Variants in ACAP2 observed in about 807,000 individuals in gnomAD.
ACAP2 encodes arf-GAP with coiled-coil, ANK repeat and PH domain-containing protein 2.
In ACAP2, 39 loss-of-function variants were observed where a neutral mutation model predicts 115.8. The observed-to-expected ratio is 0.34, with a 90% CI of 0.26 to 0.44. The LOEUF (loss-of-function observed/expected upper bound fraction) is 0.44. Among genes scored for constraint, ACAP2 ranks in the 20% least tolerant of loss-of-function variants. ACAP2 has a pLI of 1.00. For synonymous variants in ACAP2, 289 were observed against 315.8 expected, an observed-to-expected ratio of 0.92 and a Z score of 0.90; for missense variants, 662 against 927.6, an observed-to-expected ratio of 0.71 and a Z score of 3.72.
chr3:195,297,548 T>C (rs547621765), intron 15 of ACAP2, among the ~76,000 whole-genome samples: 1 of 152,342 alleles, frequency 6.6e-6, no homozygotes, highest in Middle Eastern at 3.4e-3. Flanking sequence ...AGTTTATCTA[T>C]GTATCTATCT....
chr3:195,292,199 A>T, intron 19 of ACAP2, 66 bp downstream of exon 19: 1 of 1,491,164 alleles, frequency 6.7e-7, no homozygotes. Flanking sequence ...AAGCCAGTTC[A>T]GAACATATTA....
chr3:195,325,175 A>G (rs1729697143), intron 9 of ACAP2, among the ~76,000 whole-genome samples: 1 of 152,174 alleles, frequency 6.6e-6, no homozygotes, highest in Non-Finnish European at 1.5e-5. Flanking sequence ...AGATAGTATA[A>G]TATTTTGAAA....
At chr3:195,291,572 C>T (rs530767144) in intron 20 of ACAP2, 134 bp downstream of exon 20, 10 of 581,158 alleles carry the variant, frequency 1.7e-5, no homozygotes, top group South Asian at 9.3e-5. Flanking sequence ...CAAATTCCAT[C>T]GTGACAAAAT....
At chr3:195,425,170 C>T (rs1201530845) in intron 1 of ACAP2, among the ~76,000 whole-genome samples, 2 of 151,538 alleles carry the variant, frequency 1.3e-5, no homozygotes, top group Non-Finnish European at 2.9e-5. Flanking sequence ...TATAACATTT[C>T]CTTAGAGCCC....
chr3:195,342,159 T>C (rs531942351), intron 6 of ACAP2, among the ~76,000 whole-genome samples: 3 of 152,222 alleles, frequency 2.0e-5, no homozygotes, highest in African/African-American at 4.8e-5. Flanking sequence ...TAAAATGGTA[T>C]AATAAAAGAT....
chr3:195,438,405 A>T (rs930391238), intron 1 of ACAP2, among the ~76,000 whole-genome samples: 4 of 151,936 alleles, frequency 2.6e-5, no homozygotes, highest in Non-Finnish European at 5.9e-5. Context: ...AAAAAAAAAA[A>T]ATTTCCCCTC....
rs149970928 is a variant in ACAP2 at position 195,360,542 on chromosome 3, T to A, written c.286-15225A>T. 4.6e-5 allele frequency among the ~76,000 whole-genome samples: 7 copies of A among 152,346 alleles called. No individual in the cohort carries two copies. In the East Asian group the frequency reaches 1.3e-3, roughly 29 times the overall value. On this transcript the variant is annotated intron_variant, in intron 4 of 22. Transcript: ENST00000326793. ...CAGGTGCAGTGGCTCATGCCTGTAA[T>A]CCCAGTACTTTGGGAGGCCAAGGCG...
chr3:195,323,291 G>A (rs1729568053), intron 9 of ACAP2, among the ~76,000 whole-genome samples: 1 of 152,132 alleles, frequency 6.6e-6, no homozygotes, highest in South Asian at 2.1e-4. Flanking sequence ...ATCATTATTG[G>A]TAGATGATAA....
At chr3:195,413,809 T>C (rs1423442883) in intron 1 of ACAP2, among the ~76,000 whole-genome samples, 4 of 150,458 alleles carry the variant, frequency 2.7e-5, no homozygotes, top group Admixed American at 6.6e-5. Context: ...GACACCTTAG[T>C]AAAGAAAATA....
intron 1 of ACAP2, among the ~76,000 whole-genome samples, chr3:195,435,825 G>A (rs1176076361): frequency 6.6e-6 from 1 of 152,132 alleles, no homozygotes; most frequent in African/African-American, 2.4e-5. Flanking sequence ...GAATTCTGCT[G>A]CTGCTGTATG....
intron 4 of ACAP2, among the ~76,000 whole-genome samples, chr3:195,366,524 G>A (rs1011994367): frequency 5.3e-5 from 8 of 152,138 alleles, no homozygotes; most frequent in Admixed American, 4.6e-4. Flanking sequence ...CAGAACTATA[G>A]AATCGCTAGA....
chr3:195,316,893 A>ATTT (rs60184290), intron 10 of ACAP2, among the ~76,000 whole-genome samples: 12 of 53,880 alleles, frequency 2.2e-4, no homozygotes, highest in African/African-American at 3.5e-4. Flanking sequence ...ATGTCAGTGA[A>ATTT]TTTTTTTTTT....
rs747629291 is a variant in ACAP2, at chr3:195,301,556, A to T, written c.1395+19T>A. On this transcript the variant is annotated intron_variant, in intron 15 of 22. Coordinates refer to ENST00000326793, the MANE Select transcript of ACAP2 (RefSeq NM_012287.6). ...TCATGTGAAAATATGAAATATTTTA[A>T]AGCAAAAATTTTTTTTACCTTTAAA... is the stretch of plus-strand genomic sequence containing the variant. The T allele has an allele frequency of 6.4e-7, 1 of 1,574,056 alleles. No individual in the cohort carries two copies. The highest frequency in any genetic ancestry group is 8.7e-7 in the Non-Finnish European group (1 of 1,155,494).
chr3:195,316,893 A>AT (rs60184290), intron 10 of ACAP2, among the ~76,000 whole-genome samples: 902 of 53,880 alleles, frequency 0.017, 96 homozygotes, highest in Middle Eastern at 0.048. Context: ...ATGTCAGTGA[A>AT]TTTTTTTTTT....
At chr3:195,399,348 T>C (rs2108787075) in intron 1 of ACAP2, among the ~76,000 whole-genome samples, 1 of 152,320 alleles carries the variant, frequency 6.6e-6, no homozygotes, top group Non-Finnish European at 1.5e-5. Context: ...TTATTTTATT[T>C]TTTGTAGAGA....
chr3:195,417,091 T>C (rs1228415737), intron 1 of ACAP2, among the ~76,000 whole-genome samples: 1 of 148,840 alleles, frequency 6.7e-6, no homozygotes, highest in Non-Finnish European at 1.5e-5. Flanking sequence ...TTTTTTTTTT[T>C]TTTTTTTTTT....
chr3:195,317,349 A>AT (rs1034906348), intron 10 of ACAP2, among the ~76,000 whole-genome samples: 1 of 152,204 alleles, frequency 6.6e-6, no homozygotes, highest in African/African-American at 2.4e-5. Context: ...ACTAATGTCC[A>AT]TTTTTTTAAA....
At chr3:195,364,826 C>A (rs563971884) in intron 4 of ACAP2, among the ~76,000 whole-genome samples, 17 of 152,268 alleles carry the variant, frequency 1.1e-4, no homozygotes, top group African/African-American at 3.6e-4. Flanking sequence ...TATATGCATT[C>A]TCACGTTTAC....
chr3:195,412,164 CAAAAA>C (rs869120673), intron 1 of ACAP2, among the ~76,000 whole-genome samples: 1 of 48,566 alleles, frequency 2.1e-5, no homozygotes, highest in African/African-American at 7.1e-5. Context: ...GACCCTGTCT[CAAAAA>C]AAAAAAAAAA....
Sources: gnomAD v4.1 joint callset for allele counts (sites outside exome capture counted in the v4.1 genomes callset) on GRCh38, gnomAD v4.1.1 for gene constraint, MANE v1.5 for transcripts, NCBI Gene and HGNC (gene_info 2026-07-23, HGNC 2026-07-21) for gene names.